SUGP1: variants seen among roughly 807,000 people sequenced by gnomAD.
SUGP1 encodes SURP and G-patch domain containing 1.
In SUGP1, 34 loss-of-function variants were observed where a neutral mutation model predicts 76.5. That is an observed-to-expected ratio of 0.44 (90% CI 0.34 to 0.59). The LOEUF (loss-of-function observed/expected upper bound fraction) is 0.59. Ranked by LOEUF, SUGP1 falls within the 20% of genes least tolerant of loss-of-function variation. The probability of loss-of-function intolerance (pLI) is 0.01; values close to 1 mark genes in which losing one functional copy is unlikely to be tolerated. For missense variants in SUGP1, 752 were observed against 851.7 expected (o/e 0.88, Z 1.46); for synonymous variants, 326 against 326.2 (o/e 1.00, Z 0.01).
chr19:19,292,232 G>A (rs1435071453), intron 8 of SUGP1, among the ~76,000 whole-genome samples: 9 of 134,304 alleles, frequency 6.7e-5, no homozygotes, highest in African/African-American at 1.7e-4. Flanking sequence ...GAGATTGCAC[G>A]ACTGCACTCC....
chr19:19,276,518 G>T lies in SUGP1; in HGVS notation c.*130C>A. 9.1e-7 allele frequency: 1 copy of T among 1,104,446 alleles called. No homozygotes were observed. Among genetic ancestry groups the T allele is most frequent in the African/African-American group, 1.5e-5 (1 of 65,138 alleles). The allele number at this position is 1,104,446 out of a possible 1,614,324, so 68.4% of individuals were successfully genotyped here. Reference sequence around the variant, plus strand: ...GCAACAGGACCAGGCATCTGTGGTGGATGAGCACTGGGACTTTATTACACG... The same window carrying T: ...GCAACAGGACCAGGCATCTGTGGTGTATGAGCACTGGGACTTTATTACACG... On this transcript the variant is annotated 3_prime_UTR_variant, in exon 14 of 14. Transcript: ENST00000247001.
chr19:19,311,170 G>A (rs1013304817), intron 2 of SUGP1, among the ~76,000 whole-genome samples: 8 of 151,872 alleles, frequency 5.3e-5, no homozygotes, highest in Admixed American at 4.6e-4. Context: ...AGGACTAAAG[G>A]CATGTGACAC....
intron 8 of SUGP1, among the ~76,000 whole-genome samples, chr19:19,294,813 T>C (rs1021259430): frequency 6.6e-6 from 1 of 151,344 alleles, no homozygotes; most frequent in African/African-American, 2.4e-5. Context: ...AAAAAACTGA[T>C]ACTTTCTGGC....
intron 4 of SUGP1, chr19:19,304,057 A>C: frequency 6.4e-7 from 1 of 1,551,400 alleles, no homozygotes; most frequent in Non-Finnish European, 8.7e-7. Context: ...GGTGGGAGAG[A>C]AGTGTGTGAG....
intron 1 of SUGP1, among the ~76,000 whole-genome samples, chr19:19,318,838 C>T (rs2061414044): frequency 6.6e-6 from 1 of 152,168 alleles, no homozygotes; most frequent in Non-Finnish European, 1.5e-5. Flanking sequence ...AAGCAACAGA[C>T]AATGATGTCT....
At chr19:19,304,268 C>T (rs1157861007) in intron 4 of SUGP1, among the ~76,000 whole-genome samples, 2 of 152,070 alleles carry the variant, frequency 1.3e-5, no homozygotes, top group East Asian at 1.9e-4. Flanking sequence ...GGGTGGGTTT[C>T]GATCCATGGC....
chr19:19,280,171 C>T lies in SUGP1; in HGVS notation c.1350+14G>A. On this transcript the variant is annotated intron_variant, in intron 9 of 13. Transcript: ENST00000247001. ...GCCGACCATGTCCCCGTCCCCTTGT[C>T]CCCGCAGTCTTACCTCCTGCTGCTC... is the stretch of plus-strand genomic sequence containing the variant. 1 of 1,612,252 alleles carries T rather than the reference C, an allele frequency of 6.2e-7. No homozygotes were observed. Among genetic ancestry groups the T allele is most frequent in the Non-Finnish European group, 8.5e-7 (1 of 1,178,852 alleles).
rs555640313 is a variant in SUGP1 at position 19,307,200 on chromosome 19, C to T, written c.311-1124G>A. Among the ~76,000 whole-genome samples, 37 of 152,096 alleles carry T rather than the reference C, an allele frequency of 2.4e-4. No individual in the cohort carries two copies. In the South Asian group the frequency reaches 7.3e-3, roughly 30 times the overall value. ...CAGAGTAGCTGGGACTACAGGTGCA[C>T]GACACCATGTCTGGCTAATTTTATT... is the stretch of plus-strand genomic sequence containing the variant. On this transcript the variant is annotated intron_variant, in intron 3 of 13. Transcript: ENST00000247001.
intron 8 of SUGP1, among the ~76,000 whole-genome samples, chr19:19,295,591 G>A (rs1421684930): frequency 7.8e-6 from 1 of 128,010 alleles, no homozygotes; most frequent in Non-Finnish European, 1.6e-5. Context: ...GGGCAACACA[G>A]TGAGACTCCT....
chr19:19,320,376 T>A (rs1340294333), intron 1 of SUGP1, 87 bp downstream of exon 1: 1 of 1,398,090 alleles, frequency 7.2e-7, no homozygotes, highest in Non-Finnish European at 9.6e-7. Flanking sequence ...GATCCACGGG[T>A]CGCAGCAGGA....
chr19:19,316,411 C>T lies in SUGP1; in HGVS notation c.206+11G>A. 1.2e-6 allele frequency: 2 copies of T among 1,613,838 alleles called. No homozygotes were observed. On this transcript the variant is annotated intron_variant, in intron 2 of 13. Coordinates refer to ENST00000247001, the MANE Select transcript of SUGP1 (RefSeq NM_172231.4). ...CATCCAGGCCCCATCCAGGCCCCAGCAGGCACTTACTCGCCAGGATGTGGG... is the reference window on the plus strand; with the variant it reads ...CATCCAGGCCCCATCCAGGCCCCAGTAGGCACTTACTCGCCAGGATGTGGG...
chr19:19,297,209 C>T lies in SUGP1; in HGVS notation c.1023G>A (p.Glu341=), dbSNP rs1366861463. 5.6e-6 allele frequency: 9 copies of T among 1,603,448 alleles called. No homozygotes were observed. The highest frequency in any genetic ancestry group is 7.7e-6 in the Non-Finnish European group (9 of 1,171,948). ...CTGGGGGTAAGGACCCTGACAGGGC[C>T]TCAGGAGGGGACTTGCGCTTCAGGC... is the stretch of plus-strand genomic sequence containing the variant. The part of the protein sequence containing the change: ...DPGLKRKSPP[E]ALSGSLPPAT... Residue 341 remains glutamate, a synonymous_variant, in exon 8 of 14, where the codon GAG becomes GAA. Transcript: ENST00000247001.
intron 2 of SUGP1, among the ~76,000 whole-genome samples, chr19:19,316,069 A>G (rs2061391973): frequency 6.6e-6 from 1 of 152,056 alleles, no homozygotes; most frequent in African/African-American, 2.4e-5. Flanking sequence ...CCTGGCCTCT[A>G]GTGATCCTCT....
intron 3 of SUGP1, among the ~76,000 whole-genome samples, chr19:19,309,217 G>T (rs2061337222): frequency 6.6e-6 from 1 of 152,132 alleles, no homozygotes; most frequent in South Asian, 2.1e-4. Flanking sequence ...GGGTACAGTG[G>T]CTCCTGCCTG....
Position 19,315,973 on chromosome 19 carries a change from A to C in SUGP1, c.206+449T>G, listed in dbSNP as rs148689063. Among the ~76,000 whole-genome samples the C allele has an allele frequency of 4.4e-3, 674 of 152,112 alleles. 3 individuals are homozygous for C. Among genetic ancestry groups the C allele is most frequent in the South Asian group, 0.031 (148 of 4,820 alleles). ...CAGCCTCCTGAGCAGCTGGGACTACAGGCACGTGCCACAATGCCCAGCTAA... is the reference window on the plus strand; with the variant it reads ...CAGCCTCCTGAGCAGCTGGGACTACCGGCACGTGCCACAATGCCCAGCTAA... On this transcript the variant is annotated intron_variant, in intron 2 of 13. Transcript: ENST00000247001.
chr19:19,314,382 T>G (rs543937617), intron 2 of SUGP1, among the ~76,000 whole-genome samples: 1 of 152,122 alleles, frequency 6.6e-6, no homozygotes, highest in South Asian at 2.1e-4. Flanking sequence ...ACCTCAACAC[T>G]CAACCAGTGC....
rs530282083 is a variant in SUGP1, at chr19:19,279,479, C to A, written c.1351-89G>T. ...GCTCCCCGCCTCCAGTGCTGGGCATCCCCCGCCGGAACGTGGCTCATCTGG... is the reference window on the plus strand; with the variant it reads ...GCTCCCCGCCTCCAGTGCTGGGCATACCCCGCCGGAACGTGGCTCATCTGG... On this transcript the variant is annotated intron_variant, in intron 9 of 13. Transcript: ENST00000247001. 44 of 1,421,698 alleles carry A rather than the reference C, an allele frequency of 3.1e-5. No individual in the cohort carries two copies. The South Asian group carries it at 5.0e-4, about 16-fold the overall frequency. The allele number at this position is 1,421,698 out of a possible 1,614,324, so 88.1% of individuals were successfully genotyped here.
At chr19:19,295,730 C>T (rs976732803) in intron 8 of SUGP1, among the ~76,000 whole-genome samples, 1 of 151,698 alleles carries the variant, frequency 6.6e-6, no homozygotes. Context: ...AAAAACTGGG[C>T]ATGGTGGGGC....
intron 1 of SUGP1, among the ~76,000 whole-genome samples, chr19:19,319,706 CAAAAA>C (rs570232030): frequency 1.4e-5 from 1 of 69,310 alleles, no homozygotes; most frequent in Admixed American, 1.8e-4. Context: ...GACCCTGTCT[CAAAAA>C]AAAAAAAAAA....
Sources: allele counts gnomAD v4.1 joint callset (sites outside exome capture counted in the v4.1 genomes callset), GRCh38; gene constraint gnomAD v4.1.1; transcripts MANE v1.5; gene names NCBI Gene and HGNC (gene_info 2026-07-23, HGNC 2026-07-21).